ZNF302: variants seen among roughly 807,000 people sequenced by gnomAD.
ZNF302 encodes the protein zinc finger protein 327.
In ZNF302, 12 loss-of-function variants were observed where a neutral mutation model predicts 10.8. The ratio of observed to expected loss-of-function variants is 1.11; its 90% CI spans 0.71 to 1.79. ZNF302 has a LOEUF of 1.79. ZNF302 is among the 40% of genes most tolerant of loss of function. The pLI is 0.00. For synonymous variants in ZNF302, 178 were observed against 157.5 expected (o/e 1.13, Z -0.98); for missense variants, 461 against 471.1 (o/e 0.98, Z 0.20).
chr19:34,677,427 C>T (rs1318847120), upstream of ZNF302: 1 of 152,238 alleles, frequency 6.6e-6, no homozygotes, highest in Non-Finnish European at 1.5e-5. Flanking sequence ...GTATCGTTCA[C>T]CAGAGGACGA....
Position 34,681,015 on chromosome 19 carries a change from G to C in ZNF302, c.10-1762G>C, listed in dbSNP as rs553152359. 2.6e-5 allele frequency among the ~76,000 whole-genome samples: 4 copies of C among 152,114 alleles called. No homozygotes were observed. The South Asian group carries it at 8.3e-4, about 32-fold the overall frequency. ...CTTTTTTTTTCTACATTTGTGGAGA[G>C]GATTTTCTGCCATTGGAAGGCGATT... On this transcript the variant is annotated intron_variant, in intron 2 of 4. Transcript: ENST00000505242.
chr19:34,680,340 G>T (rs1444178000), intron 2 of ZNF302, among the ~76,000 whole-genome samples: 5 of 152,196 alleles, frequency 3.3e-5, no homozygotes, highest in Non-Finnish European at 7.3e-5. Context: ...TTGTCTAAGA[G>T]AACTTTCTGC....
chr19:34,683,245 T>C lies in ZNF302; in HGVS notation c.214+7T>C. Reference sequence around the variant, plus strand: ...GAGAAAAAACTGTCAAAAGGTATGATTCCACATGAGTCATGGTGAACGAGA... The same window carrying C: ...GAGAAAAAACTGTCAAAAGGTATGACTCCACATGAGTCATGGTGAACGAGA... On this transcript the variant is annotated splice_region_variant and intron_variant, in intron 4 of 4. Transcript: ENST00000505242. The C allele has an allele frequency of 6.2e-7, 1 of 1,614,020 alleles. No individual in the cohort carries two copies. Among genetic ancestry groups the C allele is most frequent in the East Asian group, 2.2e-5 (1 of 44,878 alleles).
chr19:34,678,735 A>G lies in ZNF302; in HGVS notation c.-68-2A>G. The G allele has an allele frequency of 6.3e-7, 1 of 1,592,644 alleles. No homozygotes were observed. Among genetic ancestry groups the G allele is most frequent in the South Asian group, 1.1e-5 (1 of 90,596 alleles). On this transcript the variant is annotated splice_acceptor_variant, in intron 1 of 4. Transcript: ENST00000505242. LOFTEE classifies it low-confidence loss of function (5UTR_SPLICE). Reference sequence around the variant, plus strand: ...CTTTTTCCTGCCTTTCTGTGCCCTCAGGACACTGCCCATCTCTAAGATAAG... The same window carrying G: ...CTTTTTCCTGCCTTTCTGTGCCCTCGGGACACTGCCCATCTCTAAGATAAG...
At chr19:34,677,082 C>G (rs1224528071), upstream of ZNF302, 1 of 151,106 alleles carries the variant, frequency 6.6e-6, no homozygotes, top group African/African-American at 2.4e-5. Context: ...CCAGGAAATG[C>G]CCTTGGTTGG....
At position 34,685,826 on chromosome 19, in the gene ZNF302, A is replaced by G; in HGVS notation, c.*589A>G. On this transcript the variant is annotated 3_prime_UTR_variant, in exon 5 of 5. Transcript: ENST00000505242. ...CAATAAATGTGGGAAAGCCTTTGTC[A>G]GTATTAATCCCTTAATTGACCTAAG... is the stretch of plus-strand genomic sequence containing the variant. 1 of 384,756 alleles carries G rather than the reference A, an allele frequency of 2.6e-6. No homozygotes were observed. Among genetic ancestry groups the G allele is most frequent in the Non-Finnish European group, 4.7e-6 (1 of 212,636 alleles). 23.8% of individuals were successfully genotyped at this position (384,756 alleles called of 1,614,324 possible).
In ZNF302 at chr19:34,684,545, G is replaced by T; in HGVS notation, c.508G>T (p.Gly170Ter). ...TATAAAAAGTGAGAGAATAAATGGT[G>T]GAAAGAAACTTTTAAATTCTAATAA... ...SVIKSERING[G>*]KKLLNSNKSG... is the part of the protein sequence containing the mutation. The change falls in exon 5 of 5, where the codon GGA becomes TGA. Residue 170 changes from glycine (G) to a stop codon, truncating the protein, a stop_gained. Coordinates refer to ENST00000505242, the MANE Select transcript of ZNF302 (RefSeq NM_001289187.2). LOFTEE classifies it low-confidence loss of function (END_TRUNC). 6.2e-7 allele frequency: 1 copy of T among 1,613,520 alleles called. No homozygotes were observed. Among genetic ancestry groups the T allele is most frequent in the Non-Finnish European group, 8.5e-7 (1 of 1,179,646 alleles).
At position 34,678,621 on chromosome 19, in the gene ZNF302, G is replaced by C. The variant is rs2068137316; in HGVS notation, c.-68-116G>C. 10 of 602,860 alleles carry C rather than the reference G, an allele frequency of 1.7e-5. No individual in the cohort carries two copies. In the South Asian group the frequency reaches 2.0e-4, roughly 12 times the overall value. 37.3% of individuals were successfully genotyped at this position (602,860 alleles called of 1,614,324 possible). On this transcript the variant is annotated intron_variant, in intron 1 of 4. Coordinates refer to ENST00000505242, the MANE Select transcript of ZNF302 (RefSeq NM_001289187.2). ...AACACCCTGTTCCTTCCCAGGGAGA[G>C]ATTGACGCTCCGGCGAGTGATTACC...
In ZNF302 at chr19:34,684,423, A is replaced by T. The variant is rs1336832911; in HGVS notation, c.386A>T (p.His129Leu). 1 of 1,613,102 alleles carries T rather than the reference A, an allele frequency of 6.2e-7. No individual in the cohort carries two copies. The highest frequency in any genetic ancestry group is 8.5e-7 in the Non-Finnish European group (1 of 1,179,376). The change falls in exon 5 of 5, where the codon CAT becomes CTT. Residue 129 changes from histidine to leucine, a missense_variant. Coordinates refer to ENST00000505242, the MANE Select transcript of ZNF302 (RefSeq NM_001289187.2). ...TGCGACACATTTAGAAGCACCTTTCATTCAAAGTCTACTCTTTCTGAACCA... is the reference window on the plus strand; with the variant it reads ...TGCGACACATTTAGAAGCACCTTTCTTTCAAAGTCTACTCTTTCTGAACCA... ...TECDTFRSTF[H>L]SKSTLSEPQN...
In ZNF302 at chr19:34,684,426, CA is replaced by C; in HGVS notation, c.392del (p.Lys131SerfsTer22). The part of the protein sequence containing the change: ...ECDTFRSTFH[S>X]KSTLSEPQNN... ...GACACATTTAGAAGCACCTTTCATT[CA>C]AAGTCTACTCTTTCTGAACCACAAA... On this transcript the variant is annotated frameshift_variant, in exon 5 of 5. Coordinates refer to ENST00000505242, the MANE Select transcript of ZNF302 (RefSeq NM_001289187.2). LOFTEE classifies it low-confidence loss of function (END_TRUNC). The C allele has an allele frequency of 6.2e-7, 1 of 1,612,932 alleles. No homozygotes were observed. Among genetic ancestry groups the C allele is most frequent in the East Asian group, 2.2e-5 (1 of 44,830 alleles).
chr19:34,680,412 A>G (rs1373140316), intron 2 of ZNF302, among the ~76,000 whole-genome samples: 1 of 152,216 alleles, frequency 6.6e-6, no homozygotes, highest in East Asian at 1.9e-4. Context: ...CCATCTGACT[A>G]TTGAGTACTT....
chr19:34,679,386 T>C (rs972875296), intron 2 of ZNF302, among the ~76,000 whole-genome samples: 14 of 152,228 alleles, frequency 9.2e-5, no homozygotes, highest in African/African-American at 2.2e-4. Context: ...CCTATTGTTA[T>C]ATAAATTCCT....
In ZNF302 at chr19:34,684,016, C is replaced by T. The variant is rs779024103; in HGVS notation, c.215-236C>T. The stretch of plus-strand genomic sequence containing the variant: ...GCTTACCCATTTCCTTTATCACACT[C>T]TGTTCCTGCTTCTGTGAACTTTGGA... On this transcript the variant is annotated intron_variant, in intron 4 of 4. Coordinates refer to ENST00000505242, the MANE Select transcript of ZNF302 (RefSeq NM_001289187.2). The T allele has an allele frequency of 2.0e-6, 3 of 1,493,964 alleles. 1 individual carries two copies. In the South Asian group the frequency reaches 4.0e-5, roughly 20 times the overall value. 92.5% of individuals were successfully genotyped at this position (1,493,964 alleles called of 1,614,324 possible).
At chr19:34,679,956 G>C (rs778561624) in intron 2 of ZNF302, 2 of 702,706 alleles carry the variant, frequency 2.8e-6, no homozygotes, top group South Asian at 3.0e-5. Context: ...GCACAGGAGG[G>C]GATGTAAGTA....
intron 2 of ZNF302, chr19:34,681,846 A>G (rs1330603614): frequency 6.6e-6 from 1 of 152,198 alleles, no homozygotes; most frequent in African/African-American, 2.4e-5. Context: ...CTCATATTTT[A>G]ATTATTAAAT....
Position 34,685,789 on chromosome 19 carries a change from A to G in ZNF302, c.*552A>G, listed in dbSNP as rs1792043689. ...TTATTAGAGTTTATACTGTAGAGAA[A>G]TCATATGAAGTCAATAAATGTGGGA... is the stretch of plus-strand genomic sequence containing the variant. On this transcript the variant is annotated 3_prime_UTR_variant, in exon 5 of 5. Coordinates refer to ENST00000505242, the MANE Select transcript of ZNF302 (RefSeq NM_001289187.2). 2.1e-6 allele frequency: 1 copy of G among 467,864 alleles called. No homozygotes were observed. Among genetic ancestry groups the G allele is most frequent in the Non-Finnish European group, 3.8e-6 (1 of 260,088 alleles). 29.0% of individuals were successfully genotyped at this position (467,864 alleles called of 1,614,324 possible).
At chr19:34,678,674 C>A in intron 1 of ZNF302, 63 bp from the exon 2 acceptor site, 2 of 871,912 alleles carry the variant, frequency 2.3e-6, no homozygotes, top group Non-Finnish European at 3.7e-6. Context: ...AGGTGTGTGA[C>A]AGGTGCCGCA....
chr19:34,683,070 C>T, intron 3 of ZNF302, 85 bp from the exon 4 acceptor site: 7 of 1,590,044 alleles, frequency 4.4e-6, no homozygotes, highest in Non-Finnish European at 6.0e-6. Context: ...GAACACCCTT[C>T]ATCCATTCCT....
At chr19:34,676,154 G>C (rs2067938938), upstream of ZNF302, 1 of 152,152 alleles carries the variant, frequency 6.6e-6, no homozygotes, top group Admixed American at 6.5e-5. Context: ...TGTTTGGTCC[G>C]TTTTTACAGA....
Sources: allele counts gnomAD v4.1 joint callset (sites outside exome capture counted in the v4.1 genomes callset), GRCh38; gene constraint gnomAD v4.1.1; transcripts MANE v1.5; gene names NCBI Gene and HGNC (gene_info 2026-07-23, HGNC 2026-07-21).